The following ZDHHC14 variants were observed in gnomAD, a reference collection of about 807,000 sequenced individuals.
ZDHHC14 encodes the protein zDHHC palmitoyltransferase 14.
A neutral mutation model predicts 47.7 loss-of-function variants in ZDHHC14; 16 were observed. The ratio of observed to expected loss-of-function variants is 0.34; its 90% CI spans 0.23 to 0.51. ZDHHC14 has a LOEUF of 0.51. Ranked by LOEUF, ZDHHC14 falls within the 20% of genes least tolerant of loss-of-function variation. The pLI is 0.97. For missense variants in ZDHHC14, 515 were observed against 662.5 expected (o/e 0.78, Z 2.44); for synonymous variants, 293 against 278.9 (o/e 1.05, Z -0.50).
chr6:157,673,008 G>T lies in ZDHHC14; in HGVS notation c.1353G>T (p.Leu451=). ...AGGCGCCCTCGCCCCCCAGGCTACTGGCGGCGGGCAGCCCCCTGGCGCACA... is the reference window on the plus strand; with the variant it reads ...AGGCGCCCTCGCCCCCCAGGCTACTTGCGGCGGGCAGCCCCCTGGCGCACA... ...PDEAPSPPRL[L]AAGSPLAHSR... is the part of the protein sequence containing the mutation. The change falls in exon 9 of 9, where the codon CTG becomes CTT. Residue 451 remains leucine, a synonymous_variant. Coordinates refer to ENST00000359775, the MANE Select transcript of ZDHHC14 (RefSeq NM_024630.3). This position sits in a 1 kb window ranked among gnomAD's most constrained non-coding sequence, Gnocchi z 5.4. 6.4e-7 allele frequency: 1 copy of T among 1,574,700 alleles called. No individual in the cohort carries two copies.
intron 1 of ZDHHC14, among the ~76,000 whole-genome samples, chr6:157,455,406 G>C (rs899228367): frequency 2.0e-5 from 3 of 152,232 alleles, no homozygotes; most frequent in Admixed American, 6.5e-5. Context: ...GGTGACGCTG[G>C]CATGGGGGTT....
At chr6:157,447,390 G>A (rs1408540564) in intron 1 of ZDHHC14, among the ~76,000 whole-genome samples, 1 of 152,210 alleles carries the variant, frequency 6.6e-6, no homozygotes, top group Non-Finnish European at 1.5e-5. Context: ...TCCTTGCCCA[G>A]AAGACCCTGA....
chr6:157,545,224 T>C (rs1015600546), intron 2 of ZDHHC14, among the ~76,000 whole-genome samples: 5 of 142,690 alleles, frequency 3.5e-5, no homozygotes, highest in Admixed American at 2.9e-4. Context: ...TAACTGCACA[T>C]GACATGAGGG....
chr6:157,523,638 G>C (rs550032588), intron 1 of ZDHHC14, among the ~76,000 whole-genome samples: 1 of 151,872 alleles, frequency 6.6e-6, no homozygotes, highest in Non-Finnish European at 1.5e-5. Flanking sequence ...GCTCATATCT[G>C]TATTTCCAAC....
rs578235132 is a variant in ZDHHC14, at chr6:157,500,141, G to A, written c.246-42444G>A. Reference sequence around the variant, plus strand: ...CATATATTTGAAGAGGTGACACTGAGCAGAAATCTGAAAGAAGGGATTGAG... The same window carrying A: ...CATATATTTGAAGAGGTGACACTGAACAGAAATCTGAAAGAAGGGATTGAG... On this transcript the variant is annotated intron_variant, in intron 1 of 8. Transcript: ENST00000359775. Among the ~76,000 whole-genome samples the A allele has an allele frequency of 2.0e-5, 3 of 152,320 alleles. No individual in the cohort carries two copies. In the East Asian group the frequency reaches 5.8e-4, roughly 29 times the overall value.
chr6:157,382,314 C>T (rs1032180279), intron 1 of ZDHHC14, 48 bp downstream of exon 1: 4 of 1,591,882 alleles, frequency 2.5e-6, no homozygotes, highest in African/African-American at 2.7e-5. Flanking sequence ...CCTGGTCTCC[C>T]CTGTCCCCCG....
intron 1 of ZDHHC14, among the ~76,000 whole-genome samples, chr6:157,441,692 G>T (rs1778563314): frequency 6.6e-6 from 1 of 152,080 alleles, no homozygotes; most frequent in Non-Finnish European, 1.5e-5. Flanking sequence ...TCAAAAATTA[G>T]CTGGGCATGG....
intron 1 of ZDHHC14, among the ~76,000 whole-genome samples, chr6:157,500,942 C>T (rs1325811025): frequency 1.3e-5 from 2 of 152,136 alleles, no homozygotes; most frequent in African/African-American, 4.8e-5. Flanking sequence ...AAGTAGATTG[C>T]AATTTCCAGG....
In ZDHHC14 at chr6:157,676,006, G is replaced by A. The variant is rs1039067564; in HGVS notation, c.*2884G>A. The A allele has an allele frequency of 1.3e-5, 2 of 152,190 alleles. No individual in the cohort carries two copies. Among genetic ancestry groups the A allele is most frequent in the East Asian group, 1.9e-4 (1 of 5,190 alleles). 9.4% of individuals were successfully genotyped at this position (152,190 alleles called of 1,614,324 possible). A position where few individuals can be genotyped will look rare whatever the true frequency, so the allele number is the denominator to read the frequency against. ...TGCTCCAGGGAACCACAGGCTTCCCGGCACTTGAAGGCTGAACTGAGCGTG... is the reference window on the plus strand; with the variant it reads ...TGCTCCAGGGAACCACAGGCTTCCCAGCACTTGAAGGCTGAACTGAGCGTG... On this transcript the variant is annotated 3_prime_UTR_variant, in exon 9 of 9. Transcript: ENST00000359775.
intron 1 of ZDHHC14, among the ~76,000 whole-genome samples, chr6:157,484,353 TACAC>T (rs1217234317): frequency 1.9e-4 from 27 of 145,706 alleles, no homozygotes; most frequent in Admixed American, 5.5e-4. Context: ...TACGTATATA[TACAC>T]ACATATATAC....
intron 3 of ZDHHC14, among the ~76,000 whole-genome samples, chr6:157,602,524 C>T (rs192805517): frequency 1.3e-5 from 2 of 151,432 alleles, no homozygotes; most frequent in South Asian, 2.1e-4. Flanking sequence ...TCAGTGCCAC[C>T]GGGAGCTGTG....
At chr6:157,540,910 G>GTATATATATATATATATA (rs1554264587) in intron 1 of ZDHHC14, among the ~76,000 whole-genome samples, 29 of 122,964 alleles carry the variant, frequency 2.4e-4, no homozygotes, top group African/African-American at 9.1e-4. Flanking sequence ...GTGTGTGTGT[G>GTATATATATATATATATA]TATATATATA....
intron 1 of ZDHHC14, among the ~76,000 whole-genome samples, chr6:157,524,700 A>T (rs1781095963): frequency 6.6e-6 from 1 of 152,244 alleles, no homozygotes; most frequent in Admixed American, 6.5e-5. Context: ...ATAATTTAAA[A>T]GGTTTTCTTA....
At chr6:157,397,861 G>A (rs149502265) in intron 1 of ZDHHC14, among the ~76,000 whole-genome samples, 3,719 of 152,262 alleles carry the variant, frequency 0.024, 80 homozygotes, top group Non-Finnish European at 0.032. Context: ...GCTGACCACC[G>A]TGTCCATCAC....
intron 1 of ZDHHC14, among the ~76,000 whole-genome samples, chr6:157,424,483 T>A (rs1221337192): frequency 2.0e-5 from 3 of 152,140 alleles, no homozygotes; most frequent in Non-Finnish European, 4.4e-5. Context: ...AGAGAACAAG[T>A]GTCTTTCTGA....
At chr6:157,499,419 A>G (rs1040403956) in intron 1 of ZDHHC14, among the ~76,000 whole-genome samples, 1 of 151,748 alleles carries the variant, frequency 6.6e-6, no homozygotes, top group Admixed American at 6.6e-5. Context: ...TTCTAAGGAC[A>G]CTAATCCCAT....
At chr6:157,486,911 G>A (rs779558309) in intron 1 of ZDHHC14, among the ~76,000 whole-genome samples, 194 of 152,222 alleles carry the variant, frequency 1.3e-3, no homozygotes, top group Non-Finnish European at 8.7e-4. Flanking sequence ...CAGGAGGTGG[G>A]CTGGGGAGGC....
At chr6:157,606,618 A>G (rs1336422775) in intron 3 of ZDHHC14, among the ~76,000 whole-genome samples, 1 of 152,208 alleles carries the variant, frequency 6.6e-6, no homozygotes, top group Non-Finnish European at 1.5e-5. Flanking sequence ...TGAGTTCACC[A>G]AGAAGCCGGG....
chr6:157,626,913 CA>C (rs910656303), intron 3 of ZDHHC14, among the ~76,000 whole-genome samples: 1 of 150,206 alleles, frequency 6.7e-6, no homozygotes, highest in African/African-American at 2.5e-5. Context: ...GCGGGGGCAG[CA>C]ACACATGTTA....
Sources: gnomAD v4.1 joint callset for allele counts (sites outside exome capture counted in the v4.1 genomes callset) on GRCh38, gnomAD v4.1.1 for gene constraint, Gnocchi (gnomAD v3.1) non-coding constraint, MANE v1.5 for transcripts, NCBI Gene and HGNC (gene_info 2026-07-23, HGNC 2026-07-21) for gene names.